Variants in LRRTM3 observed in about 807,000 individuals in gnomAD.
LRRTM3 encodes leucine rich repeat transmembrane neuronal 3, also known as leucine-rich repeat transmembrane neuronal protein 3.
In LRRTM3, 24 loss-of-function variants were observed where a neutral mutation model predicts 44.7. The ratio of observed to expected loss-of-function variants is 0.54; its 90% CI spans 0.39 to 0.76. The LOEUF is 0.76. LRRTM3 is among the 30% of genes least tolerant of loss of function. The probability of loss-of-function intolerance (pLI) is 0.00; values close to 1 mark genes in which losing one functional copy is unlikely to be tolerated. For synonymous variants in LRRTM3, 277 were observed against 278.7 expected (o/e 0.99, Z 0.06); for missense variants, 587 against 702.2 (o/e 0.84, Z 1.85).
intron 2 of LRRTM3, among the ~76,000 whole-genome samples, chr10:67,086,818 T>C (rs890769147): frequency 5.3e-5 from 8 of 152,020 alleles, no homozygotes; most frequent in South Asian, 2.1e-4. Context: ...TATGTTTGTT[T>C]GCTTTATAAT....
intron 2 of LRRTM3, among the ~76,000 whole-genome samples, chr10:67,020,398 C>G (rs998054458): frequency 1.3e-5 from 2 of 152,126 alleles, no homozygotes; most frequent in Non-Finnish European, 2.9e-5. Context: ...TTATTATCTT[C>G]TCTTATGAAT....
chr10:66,982,518 G>A (rs1188020354), intron 2 of LRRTM3, among the ~76,000 whole-genome samples: 1 of 152,064 alleles, frequency 6.6e-6, no homozygotes, highest in Non-Finnish European at 1.5e-5. Flanking sequence ...ATTTTTGAAA[G>A]GTGGCATACA....
rs369996884 is a variant in LRRTM3, at chr10:67,056,154, C to T, written c.1537-41433C>T. Among the ~76,000 whole-genome samples, 5 of 152,174 alleles carry T rather than the reference C, an allele frequency of 3.3e-5. No homozygotes were observed. In the East Asian group the frequency reaches 9.7e-4, roughly 29 times the overall value. ...CTACAGCCTGAAATACATACTGTCG[C>T]CCATTCATGGAATTTATATCACATA... On this transcript the variant is annotated intron_variant, in intron 2 of 2. Transcript: ENST00000361320.
intron 2 of LRRTM3, among the ~76,000 whole-genome samples, chr10:66,973,816 G>T (rs1849867065): frequency 6.6e-6 from 1 of 152,006 alleles, no homozygotes; most frequent in African/African-American, 2.4e-5. Context: ...CTGAGATGGG[G>T]TTTCACCATG....
chr10:66,946,912 G>A (rs1848302166), intron 2 of LRRTM3, among the ~76,000 whole-genome samples: 1 of 152,046 alleles, frequency 6.6e-6, no homozygotes, highest in African/African-American at 2.4e-5. Context: ...TTTTCCTACA[G>A]TCTCTTTTCT....
intron 2 of LRRTM3, among the ~76,000 whole-genome samples, chr10:67,076,937 A>C (rs2131865588): frequency 6.6e-6 from 1 of 152,296 alleles, no homozygotes; most frequent in Middle Eastern, 3.4e-3. Flanking sequence ...CTATGTCAAA[A>C]TCTCCTCGTC....
intron 2 of LRRTM3, among the ~76,000 whole-genome samples, chr10:66,998,350 A>C (rs1463577320): frequency 6.6e-6 from 1 of 152,200 alleles, no homozygotes; most frequent in Non-Finnish European, 1.5e-5. Flanking sequence ...AATATTTTTT[A>C]AAGCACAAGA....
chr10:66,946,150 G>A (rs1848263993), intron 2 of LRRTM3, among the ~76,000 whole-genome samples: 1 of 152,110 alleles, frequency 6.6e-6, no homozygotes, highest in African/African-American at 2.4e-5. Flanking sequence ...CATAATATCT[G>A]CAAAGTGCAA....
chr10:67,014,950 A>C (rs976666568), intron 2 of LRRTM3, among the ~76,000 whole-genome samples: 2 of 152,070 alleles, frequency 1.3e-5, no homozygotes, highest in Non-Finnish European at 2.9e-5. Flanking sequence ...TTTTCCTTTA[A>C]TTTGACTAAA....
At chr10:66,984,286 T>G (rs1198914215) in intron 2 of LRRTM3, among the ~76,000 whole-genome samples, 2 of 152,182 alleles carry the variant, frequency 1.3e-5, no homozygotes, top group Non-Finnish European at 2.9e-5. Flanking sequence ...AGATAGTTGA[T>G]AAACTGGCTA....
chr10:67,062,952 A>G (rs1855848387), intron 2 of LRRTM3, among the ~76,000 whole-genome samples: 1 of 152,016 alleles, frequency 6.6e-6, no homozygotes, highest in Non-Finnish European at 1.5e-5. Flanking sequence ...GCTCTCTCAT[A>G]TGCTGAGAGT....
At chr10:66,978,552 A>AAATATATATATAT in intron 2 of LRRTM3, among the ~76,000 whole-genome samples, 415 of 37,902 alleles carry the variant, frequency 0.011, 19 homozygotes, top group Middle Eastern at 0.021. Context: ...AAAAAAAAAA[A>AAATATATATATAT]ATATATATAT....
intron 2 of LRRTM3, among the ~76,000 whole-genome samples, chr10:67,001,379 C>T (rs1851682876): frequency 6.7e-6 from 1 of 149,866 alleles, no homozygotes. Flanking sequence ...TGTGAGTTCA[C>T]TTCTAGAATG....
At chr10:67,002,082 T>G (rs1753261190) in intron 2 of LRRTM3, among the ~76,000 whole-genome samples, 1 of 152,176 alleles carries the variant, frequency 6.6e-6, no homozygotes, top group Non-Finnish European at 1.5e-5. Context: ...GAGCTCAGTT[T>G]CTTCACCTAA....
chr10:67,054,640 A>G (rs1461429657), intron 2 of LRRTM3: 1 of 152,152 alleles, frequency 6.6e-6, no homozygotes, highest in African/African-American at 2.4e-5. Flanking sequence ...AGTATTTCCA[A>G]TGGCGGGAGA....
intron 2 of LRRTM3, among the ~76,000 whole-genome samples, chr10:66,937,899 C>T (rs1847797717): frequency 6.6e-6 from 1 of 151,696 alleles, no homozygotes; most frequent in South Asian, 2.1e-4. Context: ...TGTTTTTTTT[C>T]CCCCTCTCCC....
chr10:67,081,485 C>G (rs562108249), intron 2 of LRRTM3, among the ~76,000 whole-genome samples: 2 of 152,286 alleles, frequency 1.3e-5, no homozygotes, highest in Admixed American at 6.5e-5. Flanking sequence ...AATATTGTGG[C>G]TCAGAGAGGT....
At chr10:66,947,616 G>A (rs2132707031) in intron 2 of LRRTM3, among the ~76,000 whole-genome samples, 1 of 152,184 alleles carries the variant, frequency 6.6e-6, no homozygotes, top group South Asian at 2.1e-4. Flanking sequence ...TAAGTTTCTA[G>A]GACTTCATAA....
At chr10:67,020,743 T>C (rs1194691827) in intron 2 of LRRTM3, among the ~76,000 whole-genome samples, 1 of 152,078 alleles carries the variant, frequency 6.6e-6, no homozygotes, top group South Asian at 2.1e-4. Context: ...ATAATGAAAA[T>C]ACAAACTAGA....
Sources: allele counts gnomAD v4.1 joint callset (sites outside exome capture counted in the v4.1 genomes callset), GRCh38; gene constraint gnomAD v4.1.1; transcripts MANE v1.5; gene names NCBI Gene and HGNC (gene_info 2026-07-23, HGNC 2026-07-21).